Variants in SYAP1 observed in about 807,000 individuals in gnomAD.
SYAP1 encodes synapse associated protein 1, also known as synapse-associated protein 1.
In SYAP1, 3 loss-of-function variants were observed where a neutral mutation model predicts 29.6. That is an observed-to-expected ratio of 0.10 (90% CI 0.05 to 0.26). The LOEUF is 0.26. Ranked by LOEUF, SYAP1 falls within the 10% of genes least tolerant of loss-of-function variation. The pLI, the probability that SYAP1 is intolerant of heterozygous loss-of-function variation, is 1.00. For missense variants in SYAP1, 217 were observed against 264.1 expected (o/e 0.82, Z 1.24); for synonymous variants, 102 against 102.7 (o/e 0.99, Z 0.04).
intron 5 of SYAP1, among the ~76,000 whole-genome samples, chrX:16,745,273 G>A (rs1344393410): frequency 9.0e-6 from 1 of 111,711 alleles, no homozygotes; most frequent in Non-Finnish European, 1.9e-5. Context: ...TGACCTTGAT[G>A]TCACACCCCC....
At chrX:16,743,924 G>T (rs1272031206) in intron 5 of SYAP1, 84 bp downstream of exon 5, 1 of 1,046,489 alleles carries the variant, frequency 9.6e-7, no homozygotes, top group Non-Finnish European at 1.3e-6. Context: ...GGGCCAAAAG[G>T]GTCTCTATCT....
chrX:16,729,352 T>G (rs1359490164), intron 1 of SYAP1, among the ~76,000 whole-genome samples: 3 of 111,951 alleles, frequency 2.7e-5, no homozygotes, highest in Admixed American at 9.6e-5. Flanking sequence ...CATAGACATA[T>G]TGACACAATT....
chrX:16,739,092 C>G (rs960608398), intron 3 of SYAP1, among the ~76,000 whole-genome samples: 9 of 111,513 alleles, frequency 8.1e-5, no homozygotes, highest in African/African-American at 2.9e-4. Context: ...AGAGACTACC[C>G]AAGGTGAAGA....
chrX:16,720,486 A>C (rs1925935200), intron 1 of SYAP1, among the ~76,000 whole-genome samples: 1 of 112,236 alleles, frequency 8.9e-6, no homozygotes, highest in African/African-American at 3.2e-5. Flanking sequence ...TTCATCTGTT[A>C]AACACCCCCA....
At chrX:16,737,780 A>G (rs1317608991) in intron 3 of SYAP1, among the ~76,000 whole-genome samples, 1 of 112,203 alleles carries the variant, frequency 8.9e-6, no homozygotes, top group Non-Finnish European at 1.9e-5. Context: ...CGATAACTAC[A>G]TATGGCTAAT....
intron 5 of SYAP1, among the ~76,000 whole-genome samples, chrX:16,753,962 C>G (rs760946667): frequency 9.0e-6 from 1 of 110,912 alleles, no homozygotes; most frequent in African/African-American, 3.3e-5. Flanking sequence ...AGGCCACCCC[C>G]CTGTGTGGAC....
chrX:16,736,511 T>TAATGA, intron 3 of SYAP1: 1 of 192,484 alleles, frequency 5.2e-6, no homozygotes. Context: ...TCTCTTTTCT[T>TAATGA]TTCCCCCACC....
In SYAP1 at chrX:16,730,664, C is replaced by T. The variant is rs972159360; in HGVS notation, c.176-4563C>T. ...CCTTTAAATTGTACAATATTTGTTG[C>T]ATAAATTCCGTTTCATAAATTCTTT... On this transcript the variant is annotated intron_variant, in intron 1 of 8. Coordinates refer to ENST00000380155, the MANE Select transcript of SYAP1 (RefSeq NM_032796.4). Among the ~76,000 whole-genome samples, 13 of 112,249 alleles carry T rather than the reference C, an allele frequency of 1.2e-4. No individual in the cohort carries two copies. The Admixed American group carries it at 1.2e-3, about 11-fold the overall frequency.
At chrX:16,745,583 A>G (rs1205620761) in intron 5 of SYAP1, among the ~76,000 whole-genome samples, 1 of 109,926 alleles carries the variant, frequency 9.1e-6, no homozygotes, top group African/African-American at 3.3e-5. Flanking sequence ...AAATACAAAA[A>G]ATTAGAGCCT....
Position 16,760,293 on chromosome X carries a change from A to G in SYAP1, c.993A>G (p.Thr331=). 1 of 1,202,627 alleles carries G rather than the reference A, an allele frequency of 8.3e-7. No individual in the cohort carries two copies. Among genetic ancestry groups the G allele is most frequent in the Non-Finnish European group, 1.1e-6 (1 of 891,293 alleles). ...AACTTCAAGAATATGAAGTGGTGACAGAATCTGAAAAACGAGATGAAAACT... is the reference window on the plus strand; with the variant it reads ...AACTTCAAGAATATGAAGTGGTGACGGAATCTGAAAAACGAGATGAAAACT... ...QQELQEYEVV[T]ESEKRDENWD... The change falls in exon 9 of 9, where the codon ACA becomes ACG. Residue 331 remains threonine (T), a synonymous_variant. Coordinates refer to ENST00000380155, the MANE Select transcript of SYAP1 (RefSeq NM_032796.4).
rs771021064 is a variant in SYAP1, at chrX:16,719,691, G to C, written c.-34G>C. The C allele has an allele frequency of 1.7e-6, 2 of 1,194,746 alleles. No homozygotes were observed. The highest frequency in any genetic ancestry group is 3.0e-5 in the East Asian group (1 of 32,974). On this transcript the variant is annotated 5_prime_UTR_variant, in exon 1 of 9. Coordinates refer to ENST00000380155, the MANE Select transcript of SYAP1 (RefSeq NM_032796.4). ...CAACCAGTGCTCGCTGCGGTCTCTG[G>C]GGATCGGGACCGCGGCGGCGGCCCG... is the stretch of plus-strand genomic sequence containing the variant.
intron 1 of SYAP1, among the ~76,000 whole-genome samples, chrX:16,729,749 A>T (rs1216110624): frequency 2.7e-5 from 3 of 111,025 alleles, no homozygotes; most frequent in Non-Finnish European, 5.7e-5. Context: ...CCCAAAGTGC[A>T]GGGATTACAG....
chrX:16,745,715 C>T (rs1162242174), intron 5 of SYAP1, among the ~76,000 whole-genome samples: 3 of 102,710 alleles, frequency 2.9e-5, no homozygotes, highest in African/African-American at 7.2e-5. Context: ...CCAACCTGGG[C>T]GACAGAGTGA....
At chrX:16,725,712 C>G (rs778303050) in intron 1 of SYAP1, among the ~76,000 whole-genome samples, 3 of 111,327 alleles carry the variant, frequency 2.7e-5, no homozygotes, top group Non-Finnish European at 5.6e-5. Flanking sequence ...CTTTGATTCT[C>G]TATTTATTTG....
chrX:16,759,446 C>T (rs1269483500), intron 8 of SYAP1, among the ~76,000 whole-genome samples: 1 of 111,406 alleles, frequency 9.0e-6, no homozygotes, highest in East Asian at 2.8e-4. Context: ...TATAACATTA[C>T]ATAGCAGATG....
At chrX:16,758,640 T>C (rs980610266) in intron 8 of SYAP1, among the ~76,000 whole-genome samples, 2 of 109,762 alleles carry the variant, frequency 1.8e-5, no homozygotes, top group African/African-American at 3.3e-5. Flanking sequence ...CTGGCCCCAA[T>C]AGTCTTTTAT....
chrX:16,734,724 G>A (rs1372983712), intron 1 of SYAP1, among the ~76,000 whole-genome samples: 1 of 110,544 alleles, frequency 9.0e-6, no homozygotes, highest in African/African-American at 3.3e-5. Flanking sequence ...GGCCAGGCCC[G>A]GTGGCTCACG....
chrX:16,736,070 A>C, intron 2 of SYAP1, 96 bp from the exon 3 acceptor site: 1 of 577,262 alleles, frequency 1.7e-6, no homozygotes, highest in Non-Finnish European at 2.9e-6. Context: ...GGCCTATGGC[A>C]TTTCATTTAT....
At position 16,761,438 on chromosome X, in the gene SYAP1, CTG is replaced by C. The variant is rs1179104970; in HGVS notation, c.*1082_*1083del. The C allele has an allele frequency of 9.0e-6, 1 of 111,444 alleles. No individual in the cohort carries two copies. Among genetic ancestry groups the C allele is most frequent in the Non-Finnish European group, 1.9e-5 (1 of 53,177 alleles). 9.2% of individuals were successfully genotyped at this position (111,444 alleles called of 1,213,427 possible). On this transcript the variant is annotated 3_prime_UTR_variant, in exon 9 of 9. Coordinates refer to ENST00000380155, the MANE Select transcript of SYAP1 (RefSeq NM_032796.4). Reference sequence around the variant, plus strand: ...ATAAATGTTTTAGCTTTGTCTTAAACTGTGAGTCTTCATAAAATTGTGTTCCT... The same window carrying C: ...ATAAATGTTTTAGCTTTGTCTTAAACTGAGTCTTCATAAAATTGTGTTCCT...
Sources: gnomAD v4.1 joint callset for allele counts (sites outside exome capture counted in the v4.1 genomes callset) on GRCh38, gnomAD v4.1.1 for gene constraint, MANE v1.5 for transcripts, NCBI Gene and HGNC (gene_info 2026-07-23, HGNC 2026-07-21) for gene names.